SYCP2: variants seen among roughly 807,000 people sequenced by gnomAD.
SYCP2 encodes synaptonemal complex lateral element protein.
In SYCP2, 55 loss-of-function variants were observed where a neutral mutation model predicts 211.3. The ratio of observed to expected loss-of-function variants is 0.26; its 90% CI spans 0.21 to 0.33. The LOEUF is 0.33. Among genes scored for constraint, SYCP2 ranks in the 10% least tolerant of loss-of-function variants. The pLI is 1.00. For synonymous variants in SYCP2, 570 were observed against 555.2 expected (o/e 1.03, Z -0.37); for missense variants, 1,731 against 1,752.0 (o/e 0.99, Z 0.21).
In SYCP2 at chr20:59,901,665, A is replaced by C; in HGVS notation, c.1179T>G (p.His393Gln). The part of the protein sequence containing the change: ...VTQKIFGATK[H>Q]RESIRKQGIS... ...TTTATTAAGTTTAAAGACTTACCCT[A>C]TGTTTAGTTGCACCAAAAATTTTTT... Residue 393 changes from histidine (H) to glutamine (Q), a missense_variant, in exon 16 of 45, where the codon CAT (histidine) becomes CAG (glutamine). By Grantham distance (24) the His-to-Gln change is conservative. Coordinates refer to ENST00000357552, the MANE Select transcript of SYCP2 (RefSeq NM_014258.4). The C allele has an allele frequency of 6.5e-7, 1 of 1,531,818 alleles. No individual in the cohort carries two copies. The highest frequency in any genetic ancestry group is 8.9e-7 in the Non-Finnish European group (1 of 1,122,218). 94.9% of individuals were successfully genotyped at this position (1,531,818 alleles called of 1,614,324 possible). A position where few individuals can be genotyped will look rare whatever the true frequency, so the allele number is the denominator to read the frequency against.
intron 35 of SYCP2, among the ~76,000 whole-genome samples, chr20:59,870,802 G>T (rs6027154): frequency 0.018 from 2,713 of 151,742 alleles, 80 homozygotes; most frequent in African/African-American, 0.062. Flanking sequence ...ATCTAATGGT[G>T]CCTAATCCAG....
chr20:59,877,279 A>G, intron 33 of SYCP2, 106 bp downstream of exon 33: 4 of 781,172 alleles, frequency 5.1e-6, no homozygotes, highest in Non-Finnish European at 7.2e-6. Context: ...TCATAAAAGA[A>G]GTTAACTCTT....
At position 59,929,838 on chromosome 20, in the gene SYCP2, C is replaced by CA. The variant is rs74767265; in HGVS notation, c.-47+2223dup. ...ATAGGGAATAAAATGGACCAAAAGA[C>CA]AAAAAAAAAAAGAGAATTTTAATTA... On this transcript the variant is annotated intron_variant, in intron 2 of 44. Transcript: ENST00000357552. Among the ~76,000 whole-genome samples, 970 of 130,678 alleles carry CA rather than the reference C, an allele frequency of 7.4e-3. 6 individuals carry two copies. Among genetic ancestry groups the CA allele is most frequent in the East Asian group, 0.023 (108 of 4,596 alleles). 85.7% of individuals were successfully genotyped at this position (130,678 alleles called of 152,430 possible).
At chr20:59,925,463 G>T (rs2060617458) in intron 2 of SYCP2, among the ~76,000 whole-genome samples, 1 of 152,208 alleles carries the variant, frequency 6.6e-6, no homozygotes, top group East Asian at 1.9e-4. Context: ...CCACACAGAT[G>T]AAAGTATTTT....
At chr20:59,927,873 TC>T (rs1264111710) in intron 2 of SYCP2, among the ~76,000 whole-genome samples, 1 of 152,192 alleles carries the variant, frequency 6.6e-6, no homozygotes, top group African/African-American at 2.4e-5. Flanking sequence ...TCAGTTTTGT[TC>T]CTTCTGGAAG....
intron 26 of SYCP2, 131 bp from the exon 27 acceptor site, chr20:59,882,296 A>G (rs2059699034): frequency 7.1e-6 from 5 of 703,172 alleles, no homozygotes; most frequent in Non-Finnish European, 1.2e-5. Flanking sequence ...GCTTGTACCA[A>G]AAAGACAGGC....
chr20:59,906,665 T>C (rs934474421), intron 15 of SYCP2, among the ~76,000 whole-genome samples: 1 of 151,964 alleles, frequency 6.6e-6, no homozygotes, highest in African/African-American at 2.4e-5. Flanking sequence ...CGGAAAGCAA[T>C]AACCATAAAA....
intron 16 of SYCP2, among the ~76,000 whole-genome samples, chr20:59,901,080 G>C (rs986887709): frequency 7.9e-5 from 12 of 151,786 alleles, no homozygotes; most frequent in African/African-American, 2.4e-4. Context: ...TAAATCTTTT[G>C]CACTATTCAA....
At chr20:59,883,005 C>A (rs549385643) in intron 26 of SYCP2, among the ~76,000 whole-genome samples, 360 of 152,142 alleles carry the variant, frequency 2.4e-3, no homozygotes, top group South Asian at 4.8e-3. Flanking sequence ...TCTCCTTAAA[C>A]TGAATAAAAA....
In SYCP2 at chr20:59,911,850, TA is replaced by T; in HGVS notation, c.877-6del. The T allele has an allele frequency of 6.7e-7, 1 of 1,489,412 alleles. No individual in the cohort carries two copies. Among genetic ancestry groups the T allele is most frequent in the Non-Finnish European group, 9.2e-7 (1 of 1,082,226 alleles). The allele number at this position is 1,489,412 out of a possible 1,614,324, so 92.3% of individuals were successfully genotyped here. On this transcript the variant is annotated splice_polypyrimidine_tract_variant and splice_region_variant and intron_variant, in intron 13 of 44. Coordinates refer to ENST00000357552, the MANE Select transcript of SYCP2 (RefSeq NM_014258.4). ...TTCATCTGATGGTATTTGCAGCTAA[TA>T]AAATAAACATACAAAACTGGAATAT...
intron 15 of SYCP2, among the ~76,000 whole-genome samples, chr20:59,905,295 GTAAT>G (rs1407667439): frequency 4.6e-5 from 7 of 152,110 alleles, no homozygotes; most frequent in Non-Finnish European, 1.0e-4. Context: ...ATTTTCAGAA[GTAAT>G]TAATTATAAA....
chr20:59,898,498 C>T (rs1465228962), intron 18 of SYCP2, among the ~76,000 whole-genome samples: 1 of 152,078 alleles, frequency 6.6e-6, no homozygotes, highest in Non-Finnish European at 1.5e-5. Context: ...TGTTCTCACT[C>T]ATAAGTGGGA....
intron 26 of SYCP2, among the ~76,000 whole-genome samples, chr20:59,882,782 A>G (rs1300145235): frequency 1.3e-5 from 2 of 152,110 alleles, no homozygotes; most frequent in Non-Finnish European, 2.9e-5. Context: ...CAGGAAGAGT[A>G]GGAAGGAGTA....
intron 14 of SYCP2, among the ~76,000 whole-genome samples, chr20:59,909,060 C>T (rs1471490518): frequency 6.6e-6 from 1 of 152,134 alleles, no homozygotes; most frequent in African/African-American, 2.4e-5. Flanking sequence ...TTGATCATTT[C>T]CTCTCATAAA....
intron 1 of SYCP2, among the ~76,000 whole-genome samples, chr20:59,932,687 A>C (rs2060782325): frequency 6.6e-6 from 1 of 151,844 alleles, no homozygotes; most frequent in African/African-American, 2.4e-5. Context: ...AAAAAAAACA[A>C]CAAAAAAAAA....
At chr20:59,915,702 A>G (rs2060426696) in intron 8 of SYCP2, 152 bp from the exon 9 acceptor site, 8 of 567,220 alleles carry the variant, frequency 1.4e-5, no homozygotes, top group Admixed American at 6.3e-5. Flanking sequence ...AAGAATATAT[A>G]AAGTATAAAA....
Position 59,875,263 on chromosome 20 carries a change from A to G in SYCP2, c.3349+8T>C. ...ATTCAAGTAAAGAAAAAACAAAGTT[A>G]TACTGACATCTCGTTACTTCTATAG... On this transcript the variant is annotated splice_region_variant and intron_variant, in intron 34 of 44. Transcript: ENST00000357552. 1 of 1,572,632 alleles carries G rather than the reference A, an allele frequency of 6.4e-7. No individual in the cohort carries two copies. The highest frequency in any genetic ancestry group is 8.7e-7 in the Non-Finnish European group (1 of 1,155,078).
intron 6 of SYCP2, 151 bp from the exon 7 acceptor site, chr20:59,919,333 T>C (rs1381491568): frequency 4.5e-6 from 3 of 672,244 alleles, no homozygotes; most frequent in Non-Finnish European, 7.6e-6. Flanking sequence ...TTTAATTATA[T>C]TTACCAGAAT....
intron 26 of SYCP2, among the ~76,000 whole-genome samples, chr20:59,883,075 A>G (rs968938477): frequency 6.6e-6 from 1 of 152,160 alleles, no homozygotes; most frequent in African/African-American, 2.4e-5. Context: ...AGGGCTGGGC[A>G]CAGTGGCTTA....
Sources: allele counts gnomAD v4.1 joint callset (sites outside exome capture counted in the v4.1 genomes callset), GRCh38; gene constraint gnomAD v4.1.1; transcripts MANE v1.5; gene names NCBI Gene and HGNC (gene_info 2026-07-23, HGNC 2026-07-21).